Variants in PRKACB observed in about 807,000 individuals in gnomAD.
PRKACB encodes protein kinase cAMP-activated catalytic subunit beta.
In PRKACB, 16 loss-of-function variants were observed where a neutral mutation model predicts 51.4. The ratio of observed to expected loss-of-function variants is 0.31; its 90% CI spans 0.21 to 0.47. The LOEUF is 0.47. Ranked by LOEUF, PRKACB falls within the 20% of genes least tolerant of loss-of-function variation. The pLI is 1.00. For missense variants in PRKACB, 309 were observed against 464.5 expected, an observed-to-expected ratio of 0.67 and a Z score of 3.08; for synonymous variants, 147 against 154.4, an observed-to-expected ratio of 0.95 and a Z score of 0.35.
At chr1:84,144,181 C>T (rs1980270), upstream of PRKACB, 1 of 1,227,848 alleles carries the variant, frequency 8.1e-7, no homozygotes, top group Non-Finnish European at 1.1e-6. Context: ...AAGTGTTTTG[C>T]TAAGAAAAGC....
chr1:84,132,194 T>C (rs1425403561), intron 1 of PRKACB, among the ~76,000 whole-genome samples: 3 of 152,184 alleles, frequency 2.0e-5, no homozygotes, highest in African/African-American at 7.2e-5. Flanking sequence ...TTATAGACTG[T>C]ATTTCATTCC....
chr1:84,202,971 T>C (rs1670562883), intron 8 of PRKACB, among the ~76,000 whole-genome samples, 166 bp downstream of exon 8: 1 of 151,858 alleles, frequency 6.6e-6, no homozygotes, highest in African/African-American at 2.4e-5. Context: ...TTTCAGTCTC[T>C]TAAGAAAAAA....
intron 9 of PRKACB, among the ~76,000 whole-genome samples, chr1:84,218,564 C>CACTT (rs1218201791): frequency 1.3e-5 from 2 of 152,134 alleles, no homozygotes; most frequent in Non-Finnish European, 2.9e-5. Flanking sequence ...TGTTGAAGGA[C>CACTT]ACTTAGGTTG....
intron 1 of PRKACB, among the ~76,000 whole-genome samples, chr1:84,095,922 A>G (rs1329860088): frequency 6.6e-6 from 1 of 151,968 alleles, no homozygotes; most frequent in Non-Finnish European, 1.5e-5. Context: ...TGAATTTACA[A>G]TTTTTATTAC....
intron 1 of PRKACB, among the ~76,000 whole-genome samples, chr1:84,122,177 T>C (rs1229489135): frequency 6.6e-6 from 1 of 152,154 alleles, no homozygotes; most frequent in African/African-American, 2.4e-5. Context: ...CTTCAGCCTC[T>C]CCCTCTGATG....
At chr1:84,199,051 ATATATATGCGTATATATGCATATATG>A (rs1279022159) in intron 7 of PRKACB, among the ~76,000 whole-genome samples, 1,261 of 53,416 alleles carry the variant, frequency 0.024, 19 homozygotes, top group African/African-American at 0.045. Context: ...ATGTATGCAT[ATATATATGCGTATATATGCATATATG>A]TATATATATG....
In PRKACB at chr1:84,235,325, T is replaced by C; in HGVS notation, c.*20T>C. The C allele has an allele frequency of 6.2e-7, 1 of 1,613,774 alleles. No homozygotes were observed. The highest frequency in any genetic ancestry group is 8.5e-7 in the Non-Finnish European group (1 of 1,179,804). The stretch of plus-strand genomic sequence containing the variant: ...TTTTAAAGAGGAACAAGATGACATC[T>C]GAGCTCACACTCAGTGTTTGCACTC... On this transcript the variant is annotated 3_prime_UTR_variant, in exon 10 of 10. Coordinates refer to ENST00000370685, the MANE Select transcript of PRKACB (RefSeq NM_182948.4).
At chr1:84,232,835 C>T (rs11488001) in intron 9 of PRKACB, among the ~76,000 whole-genome samples, 19,384 of 152,010 alleles carry the variant, frequency 0.13, 2,007 homozygotes, top group East Asian at 0.34. Flanking sequence ...TTCCTGAATA[C>T]AGCATACTGA....
rs1017928967 is a variant in PRKACB at position 84,160,494 on chromosome 1, G to A, written c.187+15946G>A. Among the ~76,000 whole-genome samples the A allele has an allele frequency of 1.5e-4, 23 of 148,520 alleles. 1 individual carries two copies. Among genetic ancestry groups the A allele is most frequent in the African/African-American group, 4.6e-4 (19 of 40,930 alleles). On this transcript the variant is annotated intron_variant, in intron 1 of 9. Coordinates refer to ENST00000370685, the MANE Select transcript of PRKACB (RefSeq NM_182948.4). ...CAGTCTAGTGAAAGTTTTATCATAA[G>A]ACTTTTGGTTTAATTCATTTTTCTC...
chr1:84,173,365 C>CT (rs768825946), intron 1 of PRKACB: 12 of 1,561,780 alleles, frequency 7.7e-6, no homozygotes, highest in African/African-American at 4.1e-5. Context: ...AGGAAAACCC[C>CT]TTTTTTTACA....
intron 1 of PRKACB, among the ~76,000 whole-genome samples, chr1:84,081,414 A>G (rs769342737): frequency 4.6e-5 from 7 of 152,172 alleles, no homozygotes; most frequent in Non-Finnish European, 7.4e-5. Flanking sequence ...AGGAAATTGT[A>G]TTGATGTATC....
chr1:84,154,389 A>G lies in PRKACB; in HGVS notation c.187+9841A>G, dbSNP rs190690521. Reference sequence around the variant, plus strand: ...TTAGTTTGATGCAATGAACAAACCAATAAGGAATATGAAGACTCTTAATCA... The same window carrying G: ...TTAGTTTGATGCAATGAACAAACCAGTAAGGAATATGAAGACTCTTAATCA... On this transcript the variant is annotated intron_variant, in intron 1 of 9. Transcript: ENST00000370685. Among the ~76,000 whole-genome samples, 22 of 152,274 alleles carry G rather than the reference A, an allele frequency of 1.4e-4. No homozygotes were observed. The East Asian group carries it at 1.7e-3, about 12-fold the overall frequency.
chr1:84,204,586 G>A, intron 8 of PRKACB: 9 of 1,424,852 alleles, frequency 6.3e-6, no homozygotes, highest in East Asian at 2.4e-5. Context: ...AGGACTAAAG[G>A]TCATATGAAG....
At chr1:84,116,702 A>G (rs1485245958) in intron 1 of PRKACB, among the ~76,000 whole-genome samples, 5 of 152,114 alleles carry the variant, frequency 3.3e-5, no homozygotes, top group Non-Finnish European at 5.9e-5. Flanking sequence ...CATCCATCAA[A>G]TCAGGGAGTT....
chr1:84,124,948 G>A (rs1390093663), intron 1 of PRKACB, among the ~76,000 whole-genome samples: 1 of 152,068 alleles, frequency 6.6e-6, no homozygotes, highest in East Asian at 1.9e-4. Context: ...ATACATTTTA[G>A]TACTCTGGAA....
chr1:84,097,852 CCCT>C (rs1649044687), intron 1 of PRKACB, among the ~76,000 whole-genome samples: 1 of 152,078 alleles, frequency 6.6e-6, no homozygotes, highest in African/African-American at 2.4e-5. Flanking sequence ...TATATTCAGG[CCCT>C]CAATACATTG....
chr1:84,182,410 C>G, intron 3 of PRKACB, 82 bp downstream of exon 3: 2 of 1,095,766 alleles, frequency 1.8e-6, no homozygotes, highest in East Asian at 5.9e-5. Flanking sequence ...AGTATAATGA[C>G]TTACCATTGA....
chr1:84,171,087 T>C (rs1195614400), intron 1 of PRKACB, among the ~76,000 whole-genome samples: 1 of 151,648 alleles, frequency 6.6e-6, no homozygotes, highest in African/African-American at 2.4e-5. Flanking sequence ...TGTATACATT[T>C]GGAGATTTAA....
intron 1 of PRKACB, among the ~76,000 whole-genome samples, chr1:84,178,110 A>G (rs1331517205): frequency 6.6e-6 from 1 of 152,022 alleles, no homozygotes; most frequent in Non-Finnish European, 1.5e-5. Flanking sequence ...TTGGTTAGTA[A>G]CAGTATTTTC....
Sources: allele counts gnomAD v4.1 joint callset (sites outside exome capture counted in the v4.1 genomes callset), GRCh38; gene constraint gnomAD v4.1.1; transcripts MANE v1.5; gene names NCBI Gene and HGNC (gene_info 2026-07-23, HGNC 2026-07-21).